Variants in VAV2 observed in about 807,000 individuals in gnomAD.
The protein encoded by VAV2 is vav guanine nucleotide exchange factor 2.
A neutral mutation model predicts 132.5 loss-of-function variants in VAV2; 67 were observed. The ratio of observed to expected loss-of-function variants is 0.51; its 90% CI spans 0.42 to 0.62. The LOEUF (loss-of-function observed/expected upper bound fraction) is 0.62, where lower values mean the gene tolerates loss of function less well. Among genes scored for constraint, VAV2 ranks in the 20% least tolerant of loss-of-function variants. The pLI is 0.00. For missense variants in VAV2, 938 were observed against 1,153.6 expected, an observed-to-expected ratio of 0.81 and a Z score of 2.71; for synonymous variants, 492 against 443.5, an observed-to-expected ratio of 1.11 and a Z score of -1.37.
In VAV2 at chr9:133,784,367, C is replaced by T. The variant is rs184909763; in HGVS notation, c.1584G>A (p.Met528Ile). The change falls in exon 18 of 30, where the codon ATG becomes ATA. Residue 528 changes from methionine (M) to isoleucine (I), a missense_variant. Coordinates refer to ENST00000371850, the MANE Select transcript of VAV2 (RefSeq NM_001134398.2). The part of the protein sequence containing the change: ...KANANHHSFQ[M>I]YTFDKTTNCK... ...AGTTGGTGGTCTTGTCAAACGTGTACATCTGGAAACTGTGGTGGTTGGCAT... is the reference window on the plus strand; with the variant it reads ...AGTTGGTGGTCTTGTCAAACGTGTATATCTGGAAACTGTGGTGGTTGGCAT... 1.2e-6 allele frequency: 2 copies of T among 1,614,198 alleles called. No individual in the cohort carries two copies. The highest frequency in any genetic ancestry group is 1.7e-6 in the Non-Finnish European group (2 of 1,180,034).
chr9:133,865,709 G>A (rs773631688), intron 2 of VAV2, among the ~76,000 whole-genome samples: 17 of 152,082 alleles, frequency 1.1e-4, no homozygotes, highest in African/African-American at 4.1e-4. Context: ...ATGCTGATTT[G>A]TTTCTTTTTG....
rs79267101 is a variant in VAV2, at chr9:133,836,639, C to A, written c.381-2299G>T. Among the ~76,000 whole-genome samples, 267 of 152,292 alleles carry A rather than the reference C, an allele frequency of 1.8e-3. 1 individual carries two copies. The highest frequency in any genetic ancestry group is 6.3e-3 in the African/African-American group (262 of 41,562). ...GAGAGGGAAGAGAAAATACCAAACT[C>A]CTGAGGTTGTGATCTTGTTCAAATC... On this transcript the variant is annotated intron_variant, in intron 3 of 29. Transcript: ENST00000371850.
Position 133,883,184 on chromosome 9 carries a change from C to A in VAV2, c.322-21752G>T, listed in dbSNP as rs1838568620. Among the ~76,000 whole-genome samples, 1 of 152,250 alleles carries A rather than the reference C, an allele frequency of 6.6e-6. No individual in the cohort carries two copies. The highest frequency in any genetic ancestry group is 1.5e-5 in the Non-Finnish European group (1 of 68,044). On this transcript the variant is annotated intron_variant, in intron 2 of 29. Coordinates refer to ENST00000371850, the MANE Select transcript of VAV2 (RefSeq NM_001134398.2). This position sits in a 1 kb window ranked among gnomAD's most constrained non-coding sequence, Gnocchi z 4.2. Reference sequence around the variant, plus strand: ...AGCCTGCAAAAGACTCGGCTGTCCCCACACACCACTCCTGGAGCAGATGGG... The same window carrying A: ...AGCCTGCAAAAGACTCGGCTGTCCCAACACACCACTCCTGGAGCAGATGGG...
intron 2 of VAV2, among the ~76,000 whole-genome samples, chr9:133,923,536 CT>C (rs1353285768): frequency 1.3e-5 from 2 of 152,314 alleles, no homozygotes; most frequent in Non-Finnish European, 2.9e-5. Flanking sequence ...CGCTTTTACA[CT>C]GTTGGTGGGA....
intron 9 of VAV2, among the ~76,000 whole-genome samples, chr9:133,799,551 C>T (rs1834851279): frequency 6.6e-6 from 1 of 152,144 alleles, no homozygotes; most frequent in African/African-American, 2.4e-5. Context: ...GGGGGGATCC[C>T]GTGTCCACAG....
Position 133,875,589 on chromosome 9 carries a change from C to T in VAV2, c.322-14157G>A, listed in dbSNP as rs905353320. 3.9e-5 allele frequency among the ~76,000 whole-genome samples: 6 copies of T among 152,190 alleles called. No individual in the cohort carries two copies. The East Asian group carries it at 5.8e-4, about 15-fold the overall frequency. ...GATCCCCTTGGAGGCACAGACTGCC[C>T]GGCACTGCAGCGCACGGCAGGACTG... On this transcript the variant is annotated intron_variant, in intron 2 of 29. Transcript: ENST00000371850.
At chr9:133,859,076 G>A (rs1464167341) in intron 3 of VAV2, among the ~76,000 whole-genome samples, 1 of 152,194 alleles carries the variant, frequency 6.6e-6, no homozygotes, top group Admixed American at 6.5e-5. Context: ...TGGGTGGAGG[G>A]GCCAGAGACG....
At chr9:133,903,804 G>A (rs1471129934) in intron 2 of VAV2, among the ~76,000 whole-genome samples, 9 of 152,260 alleles carry the variant, frequency 5.9e-5, no homozygotes, top group African/African-American at 1.9e-4. Flanking sequence ...AATCCACTTC[G>A]TCAGGTCCAC....
At chr9:133,855,215 G>A (rs888726120) in intron 3 of VAV2, among the ~76,000 whole-genome samples, 8 of 152,220 alleles carry the variant, frequency 5.3e-5, no homozygotes, top group South Asian at 2.1e-4. Flanking sequence ...GTTGGCGTGC[G>A]GACCCTTCAC....
At chr9:133,911,520 C>T (rs1168828531) in intron 2 of VAV2, among the ~76,000 whole-genome samples, 1 of 152,210 alleles carries the variant, frequency 6.6e-6, no homozygotes, top group African/African-American at 2.4e-5. Flanking sequence ...TGTACACACC[C>T]GTGACACTGT....
rs114257227 is a variant in VAV2, at chr9:133,799,435, G to A, written c.837-1626C>T. On this transcript the variant is annotated intron_variant, in intron 9 of 29. Coordinates refer to ENST00000371850, the MANE Select transcript of VAV2 (RefSeq NM_001134398.2). Reference sequence around the variant, plus strand: ...CTGGCATGCGAGGCTGACAGTCCACGACTCTGATAAAGGACCTGAATCTGC... The same window carrying A: ...CTGGCATGCGAGGCTGACAGTCCACAACTCTGATAAAGGACCTGAATCTGC... 7.3e-3 allele frequency among the ~76,000 whole-genome samples: 1,117 copies of A among 152,288 alleles called. 9 individuals are homozygous for A. The highest frequency in any genetic ancestry group is 0.026 in the African/African-American group (1,069 of 41,560).
chr9:133,922,755 C>T (rs1023071385), intron 2 of VAV2, among the ~76,000 whole-genome samples: 1 of 152,102 alleles, frequency 6.6e-6, no homozygotes, highest in African/African-American at 2.4e-5. Flanking sequence ...AACTCTTAGA[C>T]AAAAACATAG....
At chr9:133,775,187 A>G in intron 24 of VAV2, 136 bp from the exon 25 acceptor site, 1 of 716,278 alleles carries the variant, frequency 1.4e-6, no homozygotes, top group South Asian at 1.9e-5. Context: ...AATGAACCCA[A>G]GAGAACAGGC....
chr9:133,980,006 G>A (rs1231324294), intron 1 of VAV2, among the ~76,000 whole-genome samples: 1 of 152,210 alleles, frequency 6.6e-6, no homozygotes, highest in African/African-American at 2.4e-5. Flanking sequence ...CTGCCTCTGC[G>A]GCTCAATGCC....
chr9:133,807,542 C>T (rs967145182), intron 7 of VAV2, among the ~76,000 whole-genome samples: 5 of 152,322 alleles, frequency 3.3e-5, no homozygotes, highest in African/African-American at 7.2e-5. Flanking sequence ...ACGCTCCCAG[C>T]GTGACGGGGG....
In VAV2 at chr9:133,835,425, GAGGAGAGGC is replaced by G. The variant is rs527305022; in HGVS notation, c.381-1094_381-1086del. Among the ~76,000 whole-genome samples the G allele has an allele frequency of 9.6e-3, 1,449 of 151,678 alleles. 19 individuals are homozygous for G. The highest frequency in any genetic ancestry group is 0.033 in the African/African-American group (1,382 of 41,326). On this transcript the variant is annotated intron_variant, in intron 3 of 29. Transcript: ENST00000371850. ...CGGAAGGGAGGGAGGGGTGGGGAGG[GAGGAGAGGC>G]AGGAGAGGCAGATCAAACACCCAGA...
rs755389222 is a variant in VAV2, at chr9:133,809,076, C to T, written c.630G>A (p.Glu210=). The change falls in exon 7 of 30, where the codon GAG becomes GAA. Residue 210 remains glutamate (E), a synonymous_variant. Coordinates refer to ENST00000371850, the MANE Select transcript of VAV2 (RefSeq NM_001134398.2). ...CCTCCAGGGTGCGGTAGTACTTGGC[C>T]TCGGTCTCCTGGATCTCCAGCAGGC... ...NCCLLEIQET[E]AKYYRTLEDI... 2 of 1,613,928 alleles carry T rather than the reference C, an allele frequency of 1.2e-6. No homozygotes were observed. The highest frequency in any genetic ancestry group is 8.5e-7 in the Non-Finnish European group (1 of 1,179,970).
intron 3 of VAV2, chr9:133,861,108 T>C (rs1461106106): frequency 4.7e-6 from 2 of 423,388 alleles, no homozygotes; most frequent in African/African-American, 4.1e-5. Context: ...AAAGGATTAA[T>C]TTGCTGATCT....
chr9:133,974,688 T>C (rs1395041857), intron 1 of VAV2, among the ~76,000 whole-genome samples: 4 of 152,102 alleles, frequency 2.6e-5, no homozygotes, highest in Non-Finnish European at 5.9e-5. Context: ...TCTTCCTCAC[T>C]GTGCCATTCA....
Sources: gnomAD v4.1 joint callset for allele counts (sites outside exome capture counted in the v4.1 genomes callset) on GRCh38, gnomAD v4.1.1 for gene constraint, Gnocchi (gnomAD v3.1) non-coding constraint, MANE v1.5 for transcripts, NCBI Gene and HGNC (gene_info 2026-07-23, HGNC 2026-07-21) for gene names.